LAMA2: variants seen among roughly 807,000 people sequenced by gnomAD.
LAMA2 encodes the protein laminin subunit alpha-2.
LAMA2 carries 269 observed loss-of-function variants against 364.8 expected under a neutral mutation model. That is an observed-to-expected ratio of 0.74 (90% CI 0.67 to 0.82). The LOEUF is 0.82. Among genes scored for constraint, LAMA2 ranks in the 40% least tolerant of loss-of-function variants. The pLI, the probability that LAMA2 is intolerant of heterozygous loss-of-function variation, is 0.00. For synonymous variants in LAMA2, 1,379 were observed against 1,370.6 expected, an observed-to-expected ratio of 1.01 and a Z score of -0.14; for missense variants, 3,807 against 3,873.2, an observed-to-expected ratio of 0.98 and a Z score of 0.45.
chr6:129,291,841 A>G (rs1789723010), intron 20 of LAMA2, 121 bp downstream of exon 20: 1 of 741,166 alleles, frequency 1.3e-6, no homozygotes, highest in Non-Finnish European at 2.4e-6. Flanking sequence ...CTAATTCTAC[A>G]ATTGAAATGA....
At position 128,887,021 on chromosome 6, in the gene LAMA2, T is replaced by C. The variant is rs940220626; in HGVS notation, c.112+3664T>C. ...GCATACTTGCATTTAAATTTCTGAA[T>C]TCTTAAAATGTCAAGAAAATGTTAA... On this transcript the variant is annotated intron_variant, in intron 1 of 64. Coordinates refer to ENST00000421865, the MANE Select transcript of LAMA2 (RefSeq NM_000426.4). Among the ~76,000 whole-genome samples the C allele has an allele frequency of 4.6e-5, 7 of 152,238 alleles. No homozygotes were observed. The South Asian group carries it at 8.3e-4, about 18-fold the overall frequency.
intron 32 of LAMA2, among the ~76,000 whole-genome samples, chr6:129,361,695 A>G (rs1008017807): frequency 8.6e-5 from 13 of 151,506 alleles, no homozygotes; most frequent in African/African-American, 2.4e-4. Context: ...TGGTCAGAGT[A>G]TGTTGCAAAG....
intron 35 of LAMA2, among the ~76,000 whole-genome samples, chr6:129,389,355 G>A (rs572484998): frequency 2.6e-5 from 4 of 152,246 alleles, no homozygotes; most frequent in African/African-American, 7.2e-5. Flanking sequence ...CATTTGTGAA[G>A]GCTGAGAGGT....
In LAMA2 at chr6:129,503,093, T is replaced by A; in HGVS notation, c.8360T>A (p.Leu2787His). ...CTTTGCATGCTTTTGTTTCACAGTC[T>A]CACAATTGAGTTGGAAGTAAGAACC... The part of the protein sequence containing the change: ...AFDDTKVKNR[L>H]TIELEVRTEA... Residue 2787 changes from leucine (L) to histidine (H), a missense_variant and splice_region_variant, in exon 60 of 65, where the codon CTC becomes CAC. Leu to His is a moderately conservative substitution (Grantham distance 99). This residue lies in a region of LAMA2 where 3,333 missense variants were observed against 3,345.7 expected (regional missense o/e 1.00). Coordinates refer to ENST00000421865, the MANE Select transcript of LAMA2 (RefSeq NM_000426.4). The A allele has an allele frequency of 2.5e-6, 4 of 1,614,010 alleles. No individual in the cohort carries two copies. Among genetic ancestry groups the A allele is most frequent in the Non-Finnish European group, 3.4e-6 (4 of 1,179,844 alleles).
chr6:129,386,610 A>T (rs1365910099), intron 35 of LAMA2, among the ~76,000 whole-genome samples: 1 of 152,218 alleles, frequency 6.6e-6, no homozygotes, highest in Non-Finnish European at 1.5e-5. Flanking sequence ...GGGTAAGTAA[A>T]GCGCAGTGAA....
chr6:128,901,022 T>C (rs1379317305), intron 1 of LAMA2, among the ~76,000 whole-genome samples: 1 of 152,152 alleles, frequency 6.6e-6, no homozygotes, highest in Non-Finnish European at 1.5e-5. Flanking sequence ...CTGCGTGTGG[T>C]GGCACATGCC....
chr6:128,907,995 A>G (rs1416805282), intron 1 of LAMA2, among the ~76,000 whole-genome samples: 1 of 151,988 alleles, frequency 6.6e-6, no homozygotes, highest in Non-Finnish European at 1.5e-5. Flanking sequence ...CCACTTGATC[A>G]TGGTGGATAA....
At chr6:128,995,352 C>T (rs903597352) in intron 1 of LAMA2, among the ~76,000 whole-genome samples, 3 of 152,274 alleles carry the variant, frequency 2.0e-5, no homozygotes, top group African/African-American at 7.2e-5. Context: ...GACAAAGTCT[C>T]ACTCTGTAAC....
intron 15 of LAMA2, among the ~76,000 whole-genome samples, chr6:129,264,813 G>A (rs181926687): frequency 6.6e-6 from 1 of 152,260 alleles, no homozygotes; most frequent in Admixed American, 6.5e-5. Context: ...TTGGCTGCAT[G>A]GAATTTGGTG....
At chr6:129,292,860 G>A (rs976935970) in intron 20 of LAMA2, 8 of 985,784 alleles carry the variant, frequency 8.1e-6, no homozygotes, top group South Asian at 4.7e-5. Context: ...CTGCGATCCC[G>A]TTGGCTCTGT....
At chr6:129,327,271 G>A (rs918927692) in intron 28 of LAMA2, among the ~76,000 whole-genome samples, 2 of 152,100 alleles carry the variant, frequency 1.3e-5, no homozygotes, top group African/African-American at 4.8e-5. Context: ...GAGCTTCTTT[G>A]TATATTTGTC....
At chr6:129,212,921 ATGTCCTAGAGG>A (rs768926103) in intron 12 of LAMA2, among the ~76,000 whole-genome samples, 25 of 152,206 alleles carry the variant, frequency 1.6e-4, no homozygotes, top group Admixed American at 1.1e-3. Flanking sequence ...GTTTATTATG[ATGTCCTAGAGG>A]TGGCTGTCTT....
At chr6:129,275,517 A>C (rs2114374662) in intron 17 of LAMA2, among the ~76,000 whole-genome samples, 1 of 152,142 alleles carries the variant, frequency 6.6e-6, no homozygotes, top group African/African-American at 2.4e-5. Context: ...ATGTCAGACA[A>C]ACTGTAAATG....
chr6:129,399,722 T>C (rs1218602047), intron 37 of LAMA2, among the ~76,000 whole-genome samples: 1 of 152,148 alleles, frequency 6.6e-6, no homozygotes, highest in Admixed American at 6.5e-5. Flanking sequence ...TGGGAATATC[T>C]GCAAGTGCAA....
At chr6:129,422,546 T>C (rs188355149) in intron 40 of LAMA2, among the ~76,000 whole-genome samples, 1 of 152,116 alleles carries the variant, frequency 6.6e-6, no homozygotes, top group Non-Finnish European at 1.5e-5. Context: ...CTTCTGCAGA[T>C]AGTAAAGGAT....
At position 129,391,624 on chromosome 6, in the gene LAMA2, A is replaced by G. The variant is rs763443354; in HGVS notation, c.5205A>G (p.Thr1735=). The G allele has an allele frequency of 1.9e-6, 3 of 1,613,926 alleles. No homozygotes were observed. In the South Asian group the frequency reaches 3.3e-5, roughly 18 times the overall value. The change falls in exon 36 of 65, where the codon ACA becomes ACG. Residue 1735 remains threonine (T), a synonymous_variant. Transcript: ENST00000421865. ...IKELRRKNLE[T]QKEIAEDELV... ...AACTGAGGAGGAAAAATCTAGAGAC[A>G]CAAAAGGAAATTGCTGAAGATGAGT...
chr6:129,486,157 G>A (rs1031446630), intron 55 of LAMA2, among the ~76,000 whole-genome samples: 3 of 152,158 alleles, frequency 2.0e-5, no homozygotes, highest in Admixed American at 2.0e-4. Context: ...GGATTTTGTT[G>A]ACACCCTTTG....
intron 3 of LAMA2, among the ~76,000 whole-genome samples, chr6:129,081,342 T>G (rs182168756): frequency 1.0e-3 from 152 of 152,142 alleles, no homozygotes; most frequent in African/African-American, 3.5e-3. Flanking sequence ...TGTATACATA[T>G]GTAACAAACC....
chr6:129,044,234 A>G (rs112054764), intron 1 of LAMA2, among the ~76,000 whole-genome samples: 3,736 of 152,148 alleles, frequency 0.025, 144 homozygotes, highest in African/African-American at 0.086. Flanking sequence ...CACAGAATTT[A>G]TAGCTGTTAT....
Sources: allele counts gnomAD v4.1 joint callset (sites outside exome capture counted in the v4.1 genomes callset), GRCh38; gene constraint gnomAD v4.1.1; regional missense constraint gnomAD v4.1.1; transcripts MANE v1.5; gene names NCBI Gene and HGNC (gene_info 2026-07-23, HGNC 2026-07-21).